The following SEC14L5 variants were observed in gnomAD, a reference collection of about 807,000 sequenced individuals.
The protein encoded by SEC14L5 is SEC14 like lipid binding 5, also known as SEC14-like protein 5.
In SEC14L5, 96 loss-of-function variants were observed where a neutral mutation model predicts 84.6. The observed-to-expected ratio is 1.13, with a 90% CI of 0.96 to 1.34. The LOEUF (loss-of-function observed/expected upper bound fraction) is 1.34, where lower values mean the gene tolerates loss of function less well. SEC14L5 is among the 40% of genes most tolerant of loss of function. The probability of loss-of-function intolerance (pLI) is 0.00; values close to 1 mark genes in which losing one functional copy is unlikely to be tolerated. For missense variants in SEC14L5, 1,224 were observed against 942.5 expected (o/e 1.30, Z -3.91); for synonymous variants, 546 against 383.4 (o/e 1.42, Z -4.95).
chr16:4,994,375 T>TA (rs1398017879), intron 6 of SEC14L5, among the ~76,000 whole-genome samples: 3 of 152,084 alleles, frequency 2.0e-5, no homozygotes, highest in Middle Eastern at 3.4e-3. Context: ...CTTTTTTTTT[T>TA]ATCTGTCACC....
chr16:5,009,168 T>C (rs942704349), intron 14 of SEC14L5, among the ~76,000 whole-genome samples: 8 of 152,114 alleles, frequency 5.3e-5, no homozygotes, highest in Non-Finnish European at 8.8e-5. Context: ...CTGGGTGTCA[T>C]TGGTGGGTAG....
intron 5 of SEC14L5, 96 bp from the exon 6 acceptor site, chr16:4,991,742 G>A (rs932082405): frequency 7.2e-5 from 54 of 754,782 alleles, no homozygotes; most frequent in Non-Finnish European, 1.1e-4. Context: ...TCGGGGCTGG[G>A]ACCTGAGCCG....
At position 4,997,194 on chromosome 16, in the gene SEC14L5, G is replaced by T. The variant is rs989994603; in HGVS notation, c.970+150G>T. 7.3e-6 allele frequency: 4 copies of T among 546,322 alleles called. No individual in the cohort carries two copies. In the South Asian group the frequency reaches 9.2e-5, roughly 13 times the overall value. 33.8% of individuals were successfully genotyped at this position (546,322 alleles called of 1,614,324 possible). ...GCTCACCATAATCTCCGCTTCCCGG[G>T]TTCAAGCAATTCTCCTGCCTCAGCC... On this transcript the variant is annotated intron_variant, in intron 8 of 15. Transcript: ENST00000251170.
intron 4 of SEC14L5, among the ~76,000 whole-genome samples, chr16:4,990,351 T>C (rs1288427569): frequency 6.6e-6 from 1 of 152,152 alleles, no homozygotes; most frequent in Non-Finnish European, 1.5e-5. Flanking sequence ...TTAGTAGAGA[T>C]GGAGTTTCAC....
In SEC14L5 at chr16:5,019,007, G is replaced by T. The variant is rs1488647034; in HGVS notation, c.*4037G>T. The T allele has an allele frequency of 1.3e-5, 2 of 152,130 alleles. No individual in the cohort carries two copies. The highest frequency in any genetic ancestry group is 4.8e-5 in the African/African-American group (2 of 41,408). 9.4% of individuals were successfully genotyped at this position (152,130 alleles called of 1,614,324 possible). A position where few individuals can be genotyped will look rare whatever the true frequency, so the allele number is the denominator to read the frequency against. On this transcript the variant is annotated 3_prime_UTR_variant, in exon 16 of 16. Coordinates refer to ENST00000251170, the MANE Select transcript of SEC14L5 (RefSeq NM_014692.2). Reference sequence around the variant, plus strand: ...TCGTCAGCTTCCTAAAACCCTGGAGGTTTCCCGTGGGCTCGTTCAAGAACT... The same window carrying T: ...TCGTCAGCTTCCTAAAACCCTGGAGTTTTCCCGTGGGCTCGTTCAAGAACT...
intron 2 of SEC14L5, among the ~76,000 whole-genome samples, chr16:4,973,977 C>T (rs1047254613): frequency 1.3e-5 from 2 of 152,006 alleles, no homozygotes; most frequent in African/African-American, 2.4e-5. Context: ...AGCCACCTCA[C>T]CAGGCCTTAT....
intron 15 of SEC14L5, 76 bp downstream of exon 15, chr16:5,011,349 T>C (rs1955801077): frequency 6.9e-7 from 1 of 1,457,636 alleles, no homozygotes; most frequent in African/African-American, 1.4e-5. Flanking sequence ...CCTGGCCTCC[T>C]GTCTCCCAGC....
At chr16:5,000,600 G>C in intron 8 of SEC14L5, 55 bp from the exon 9 acceptor site, 1 of 1,375,118 alleles carries the variant, frequency 7.3e-7, no homozygotes, top group Non-Finnish European at 1.0e-6. Flanking sequence ...CCTGCCCCTC[G>C]GAAGCAGTCC....
chr16:4,995,213 T>C (rs1371272533), intron 6 of SEC14L5, among the ~76,000 whole-genome samples: 1 of 152,224 alleles, frequency 6.6e-6, no homozygotes, highest in Non-Finnish European at 1.5e-5. Context: ...CGGAGGCTGC[T>C]GCTTTGTGTG....
chr16:4,996,296 A>G (rs1429820688), intron 6 of SEC14L5, 52 bp from the exon 7 acceptor site: 1 of 1,092,114 alleles, frequency 9.2e-7, no homozygotes, highest in Non-Finnish European at 1.4e-6. Flanking sequence ...ACCACATGGT[A>G]AAGAGACGCA....
chr16:4,995,265 G>A (rs1427538095), intron 6 of SEC14L5, among the ~76,000 whole-genome samples: 1 of 152,312 alleles, frequency 6.6e-6, no homozygotes, highest in Non-Finnish European at 1.5e-5. Context: ...GCCTCTGCAC[G>A]CCAGCATCTG....
At chr16:5,012,414 C>T (rs1955816003) in intron 15 of SEC14L5, among the ~76,000 whole-genome samples, 1 of 152,158 alleles carries the variant, frequency 6.6e-6, no homozygotes, top group Non-Finnish European at 1.5e-5. Flanking sequence ...CTTGTAGCCT[C>T]ATGAGAAAAT....
At chr16:4,971,021 T>C (rs1568108473) in intron 2 of SEC14L5, among the ~76,000 whole-genome samples, 1 of 148,736 alleles carries the variant, frequency 6.7e-6, no homozygotes, top group Non-Finnish European at 1.5e-5. Flanking sequence ...GGCAGGAGAA[T>C]CGCTTGAACC....
chr16:4,960,150 G>A (rs1361452375), intron 2 of SEC14L5, among the ~76,000 whole-genome samples: 1 of 152,216 alleles, frequency 6.6e-6, no homozygotes, highest in African/African-American at 2.4e-5. Context: ...GACATAGGTG[G>A]ATGTGGAATT....
chr16:4,963,937 C>G (rs1335643246), intron 2 of SEC14L5, among the ~76,000 whole-genome samples: 1 of 151,866 alleles, frequency 6.6e-6, no homozygotes, highest in Admixed American at 6.6e-5. Flanking sequence ...TCCTCCCACC[C>G]TGGCCTCCCA....
At chr16:4,968,210 G>A (rs377236786) in intron 2 of SEC14L5, among the ~76,000 whole-genome samples, 10 of 150,054 alleles carry the variant, frequency 6.7e-5, no homozygotes, top group African/African-American at 1.7e-4. Flanking sequence ...ACGAAGTTTC[G>A]CTCTTGTTGC....
intron 3 of SEC14L5, 65 bp from the exon 4 acceptor site, chr16:4,988,084 G>C: frequency 6.3e-7 from 1 of 1,575,544 alleles, no homozygotes; most frequent in Non-Finnish European, 8.7e-7. Context: ...CGCCGGACTC[G>C]CTCTCCATTC....
At chr16:4,995,651 G>A (rs1240703415) in intron 6 of SEC14L5, among the ~76,000 whole-genome samples, 2 of 145,852 alleles carry the variant, frequency 1.4e-5, no homozygotes, top group African/African-American at 5.2e-5. Context: ...TTTTAAGACG[G>A]AGTCTCACTC....
intron 2 of SEC14L5, among the ~76,000 whole-genome samples, chr16:4,962,207 C>G (rs1596610260): frequency 6.9e-6 from 1 of 144,396 alleles, no homozygotes; most frequent in East Asian, 2.0e-4. Context: ...GAAAAGAAAA[C>G]AAAAACAACA....
Sources: gnomAD v4.1 joint callset for allele counts (sites outside exome capture counted in the v4.1 genomes callset) on GRCh38, gnomAD v4.1.1 for gene constraint, MANE v1.5 for transcripts, NCBI Gene and HGNC (gene_info 2026-07-23, HGNC 2026-07-21) for gene names.